The following CPNE8 variants were observed in gnomAD, a reference collection of about 807,000 sequenced individuals.
CPNE8 encodes copine 8.
A neutral mutation model predicts 81.5 loss-of-function variants in CPNE8; 45 were observed. The ratio of observed to expected loss-of-function variants is 0.55; its 90% CI spans 0.44 to 0.71. The LOEUF is 0.71. Ranked by LOEUF, CPNE8 falls within the 30% of genes least tolerant of loss-of-function variation. The pLI is 0.00. For missense variants in CPNE8, 594 were observed against 672.1 expected, an observed-to-expected ratio of 0.88 and a Z score of 1.28; for synonymous variants, 252 against 226.3, an observed-to-expected ratio of 1.11 and a Z score of -1.02.
At chr12:38,873,454 T>C (rs1944021014) in intron 2 of CPNE8, among the ~76,000 whole-genome samples, 1 of 152,220 alleles carries the variant, frequency 6.6e-6, no homozygotes, top group Non-Finnish European at 1.5e-5. Flanking sequence ...GGGCAAGTCA[T>C]GCTCTACATT....
chr12:38,657,959 CT>C (rs1938860529), intron 19 of CPNE8, among the ~76,000 whole-genome samples: 1 of 152,074 alleles, frequency 6.6e-6, no homozygotes, highest in Non-Finnish European at 1.5e-5. Flanking sequence ...AGCAGAAAAG[CT>C]GAAAATTCTA....
At chr12:38,880,844 T>A (rs1944142996) in intron 1 of CPNE8, among the ~76,000 whole-genome samples, 1 of 151,762 alleles carries the variant, frequency 6.6e-6, no homozygotes, top group South Asian at 2.1e-4. Flanking sequence ...CAGGAAAAAA[T>A]ATTTTTCCCA....
At chr12:38,691,162 G>A (rs192311138) in intron 15 of CPNE8, among the ~76,000 whole-genome samples, 102 of 152,232 alleles carry the variant, frequency 6.7e-4, no homozygotes, top group African/African-American at 2.3e-3. Context: ...TGAGATTACA[G>A]GTGCTTTTAT....
chr12:38,660,128 T>C (rs2136633679), intron 19 of CPNE8, among the ~76,000 whole-genome samples: 1 of 152,316 alleles, frequency 6.6e-6, no homozygotes, highest in South Asian at 2.1e-4. Flanking sequence ...AAAGTTCCTA[T>C]GGAACCAAAA....
At chr12:38,847,917 C>G (rs975574794) in intron 4 of CPNE8, among the ~76,000 whole-genome samples, 1 of 151,906 alleles carries the variant, frequency 6.6e-6, no homozygotes, top group African/African-American at 2.4e-5. Flanking sequence ...ACCCACCTGC[C>G]CACAACAGAT....
chr12:38,704,826 G>GTATATATATGTGTGTATA lies in CPNE8; in HGVS notation c.915-1906_915-1905insTATACACACATATATATA, dbSNP rs58878926. 5.7e-3 allele frequency among the ~76,000 whole-genome samples: 284 copies of GTATATATATGTGTGTATA among 50,176 alleles called. 12 individuals are homozygous for GTATATATATGTGTGTATA. Among genetic ancestry groups the GTATATATATGTGTGTATA allele is most frequent in the African/African-American group, 0.012 (256 of 21,634 alleles). 32.9% of individuals were successfully genotyped at this position (50,176 alleles called of 152,430 possible). On this transcript the variant is annotated intron_variant, in intron 13 of 19. Transcript: ENST00000331366. ...GGACCATCTGTGTGTGTATGTATGT[G>GTATATATATGTGTGTATA]TATATATATATATATATATATATAT...
At chr12:38,883,584 T>A (rs1944195243) in intron 1 of CPNE8, among the ~76,000 whole-genome samples, 1 of 152,204 alleles carries the variant, frequency 6.6e-6, no homozygotes, top group Non-Finnish European at 1.5e-5. Context: ...TGTTCATCAT[T>A]CTATCCAACT....
chr12:38,791,512 A>G lies in CPNE8; in HGVS notation c.408-15211T>C, dbSNP rs1032689342. 2.0e-5 allele frequency among the ~76,000 whole-genome samples: 3 copies of G among 151,816 alleles called. 1 individual carries two copies. Among genetic ancestry groups the G allele is most frequent in the African/African-American group, 7.2e-5 (3 of 41,550 alleles). On this transcript the variant is annotated intron_variant, in intron 6 of 19. Transcript: ENST00000331366. The stretch of plus-strand genomic sequence containing the variant: ...AGAAGAGAGTACTTAGAATTGCACA[A>G]TAATGAAAATAATACTTCTAACATT...
intron 6 of CPNE8, among the ~76,000 whole-genome samples, chr12:38,777,258 A>T (rs990524389): frequency 3.3e-5 from 5 of 152,150 alleles, no homozygotes; most frequent in Non-Finnish European, 7.3e-5. Context: ...AACAAAAAAA[A>T]GTTTAAAAAG....
chr12:38,781,936 A>G (rs1295118359), intron 6 of CPNE8, among the ~76,000 whole-genome samples: 1 of 152,144 alleles, frequency 6.6e-6, no homozygotes, highest in Non-Finnish European at 1.5e-5. Flanking sequence ...AGACTAAGAA[A>G]TTGTAACATA....
chr12:38,837,727 T>G (rs548349849), intron 5 of CPNE8, among the ~76,000 whole-genome samples: 1 of 152,074 alleles, frequency 6.6e-6, no homozygotes, highest in East Asian at 1.9e-4. Flanking sequence ...AGAGAGATTA[T>G]GAGGTAAAGA....
chr12:38,683,756 T>C (rs115419948), intron 16 of CPNE8, among the ~76,000 whole-genome samples: 3,216 of 152,236 alleles, frequency 0.021, 112 homozygotes, highest in African/African-American at 0.072. Flanking sequence ...TTACTGTTTT[T>C]CTTAATTTTC....
rs375830494 is a variant in CPNE8 at position 38,688,261 on chromosome 12, T to A, written c.1144-2644A>T. ...TGAGAATGGAAAGGTAATCATTAGA[T>A]GTTCTATTCATCAACATGGAATGTT... is the stretch of plus-strand genomic sequence containing the variant. On this transcript the variant is annotated intron_variant, in intron 15 of 19. Coordinates refer to ENST00000331366, the MANE Select transcript of CPNE8 (RefSeq NM_153634.3). 4.6e-5 allele frequency among the ~76,000 whole-genome samples: 7 copies of A among 152,334 alleles called. No individual in the cohort carries two copies. In the South Asian group the frequency reaches 8.3e-4, roughly 18 times the overall value.
intron 19 of CPNE8, among the ~76,000 whole-genome samples, chr12:38,666,832 C>T (rs1056536680): frequency 1.3e-5 from 2 of 152,096 alleles, no homozygotes; most frequent in African/African-American, 2.4e-5. Context: ...TGGTTCACTT[C>T]TAATTAGCTG....
intron 4 of CPNE8, among the ~76,000 whole-genome samples, chr12:38,847,154 A>G (rs762915903): frequency 2.0e-5 from 3 of 152,132 alleles, no homozygotes; most frequent in Non-Finnish European, 4.4e-5. Flanking sequence ...TTAAATGTCT[A>G]TATCACTTAA....
chr12:38,824,889 C>T (rs746697210), intron 6 of CPNE8, among the ~76,000 whole-genome samples: 9 of 152,058 alleles, frequency 5.9e-5, no homozygotes, highest in Non-Finnish European at 8.8e-5. Context: ...GGCTGCAGCA[C>T]CAGGAGTGTG....
intron 6 of CPNE8, among the ~76,000 whole-genome samples, chr12:38,783,228 A>G (rs1277248928): frequency 6.6e-6 from 1 of 152,184 alleles, no homozygotes; most frequent in Non-Finnish European, 1.5e-5. Flanking sequence ...AGAGGGCTCC[A>G]TTGATCATCC....
intron 6 of CPNE8, among the ~76,000 whole-genome samples, chr12:38,801,470 C>A (rs1218724653): frequency 2.3e-5 from 1 of 43,190 alleles, no homozygotes; most frequent in African/African-American, 1.1e-4. Context: ...GAGATTTTGT[C>A]ACCACCAGGC....
At chr12:38,808,994 A>G (rs1052268013) in intron 6 of CPNE8, among the ~76,000 whole-genome samples, 1 of 152,162 alleles carries the variant, frequency 6.6e-6, no homozygotes, top group Admixed American at 6.6e-5. Context: ...TTTCAACAAA[A>G]AGTAAAAACA....
Sources: gnomAD v4.1 joint callset for allele counts (sites outside exome capture counted in the v4.1 genomes callset) on GRCh38, gnomAD v4.1.1 for gene constraint, MANE v1.5 for transcripts, NCBI Gene and HGNC (gene_info 2026-07-23, HGNC 2026-07-21) for gene names.